The following GRIN3A variants were observed in gnomAD, a reference collection of about 807,000 sequenced individuals.
The protein encoded by GRIN3A is glutamate ionotropic receptor NMDA type subunit 3A.
In GRIN3A, 47 loss-of-function variants were observed where a neutral mutation model predicts 92.4. That is an observed-to-expected ratio of 0.51 (90% CI 0.40 to 0.65). The LOEUF (loss-of-function observed/expected upper bound fraction) is 0.65, where lower values mean the gene tolerates loss of function less well. GRIN3A is among the 30% of genes least tolerant of loss of function. The pLI is 0.00. For missense variants in GRIN3A, 1,324 were observed against 1,393.1 expected (o/e 0.95, Z 0.79); for synonymous variants, 527 against 540.6 (o/e 0.97, Z 0.35).
intron 1 of GRIN3A, among the ~76,000 whole-genome samples, chr9:101,712,770 C>T (rs1315743319): frequency 3.3e-5 from 5 of 152,138 alleles, no homozygotes; most frequent in East Asian, 3.8e-4. Context: ...AATATGAGAT[C>T]GTTATTCCAT....
chr9:101,671,592 A>G (rs1315861682), intron 2 of GRIN3A, among the ~76,000 whole-genome samples: 1 of 152,222 alleles, frequency 6.6e-6, no homozygotes, highest in Admixed American at 6.5e-5. Context: ...AAGTATGCAT[A>G]TACTTTAATA....
At chr9:101,696,280 T>C (rs1208327654) in intron 1 of GRIN3A, among the ~76,000 whole-genome samples, 2 of 152,238 alleles carry the variant, frequency 1.3e-5, no homozygotes. Context: ...TGGAGAATAT[T>C]ATAAAAATAG....
At chr9:101,723,363 G>T (rs554891753) in intron 1 of GRIN3A, among the ~76,000 whole-genome samples, 1 of 151,960 alleles carries the variant, frequency 6.6e-6, no homozygotes, top group African/African-American at 2.4e-5. Context: ...GGAGTTGTTC[G>T]TTCCTCCCGG....
At chr9:101,636,346 T>C (rs962629619) in intron 3 of GRIN3A, among the ~76,000 whole-genome samples, 1 of 152,242 alleles carries the variant, frequency 6.6e-6, no homozygotes, top group East Asian at 1.9e-4. Flanking sequence ...TAATCTTTAT[T>C]AGGTGCCTCC....
At chr9:101,644,460 CAA>C (rs35576054) in intron 3 of GRIN3A, among the ~76,000 whole-genome samples, 6,305 of 95,032 alleles carry the variant, frequency 0.066, 349 homozygotes, top group African/African-American at 0.21. Flanking sequence ...ATTAGTCACT[CAA>C]AAAAAAAAAA....
chr9:101,687,237 C>T, intron 1 of GRIN3A, 37 bp from the exon 2 acceptor site: 1 of 1,610,760 alleles, frequency 6.2e-7, no homozygotes, highest in Non-Finnish European at 8.5e-7. Flanking sequence ...AATTAGAAAG[C>T]ATTGGCCAAA....
chr9:101,710,964 TTAA>T lies in GRIN3A; in HGVS notation c.700-23767_700-23765del, dbSNP rs577829413. On this transcript the variant is annotated intron_variant, in intron 1 of 8. Coordinates refer to ENST00000361820, the MANE Select transcript of GRIN3A (RefSeq NM_133445.3). Reference sequence around the variant, plus strand: ...TCAATTTATAAATTAATTGAAGAGATTAATAACAATAACTAATAACAAAATAGG... The same window carrying T: ...TCAATTTATAAATTAATTGAAGAGATTAACAATAACTAATAACAAAATAGG... Among the ~76,000 whole-genome samples, 282 of 152,286 alleles carry T rather than the reference TTAA, an allele frequency of 1.9e-3. 1 individual carries two copies. Among genetic ancestry groups the T allele is most frequent in the African/African-American group, 6.6e-3 (273 of 41,564 alleles).
At chr9:101,588,341 A>T (rs1429607621) in intron 6 of GRIN3A, among the ~76,000 whole-genome samples, 2 of 152,190 alleles carry the variant, frequency 1.3e-5, no homozygotes, top group Non-Finnish European at 2.9e-5. Context: ...AGTAGTGCTC[A>T]CACATTTGGA....
chr9:101,613,242 A>T (rs932754941), intron 6 of GRIN3A, 134 bp downstream of exon 6: 1 of 1,014,584 alleles, frequency 9.9e-7, no homozygotes, highest in East Asian at 2.6e-5. Flanking sequence ...ACAAAGTAAA[A>T]AATAATCCAA....
chr9:101,577,837 T>C lies in GRIN3A; in HGVS notation c.2939A>G (p.His980Arg). ...TATAAATGATGTATTTATTGCTCTGTGTAATCTCTGATGGAGAAAACAGAT... is the reference window on the plus strand; with the variant it reads ...TATAAATGATGTATTTATTGCTCTGCGTAATCTCTGATGGAGAAAACAGAT... ...QYWLHTSQRLHRAINTSFIEE... is the reference protein window; with the variant it reads ...QYWLHTSQRLRRAINTSFIEE... The change falls in exon 8 of 9, where the codon CAC becomes CGC. Residue 980 changes from histidine (H) to arginine (R), a missense_variant. By Grantham distance (29) the His-to-Arg change is conservative. Coordinates refer to ENST00000361820, the MANE Select transcript of GRIN3A (RefSeq NM_133445.3). 6.2e-7 allele frequency: 1 copy of C among 1,610,764 alleles called. No individual in the cohort carries two copies.
chr9:101,720,728 CT>C (rs1490344688), intron 1 of GRIN3A, among the ~76,000 whole-genome samples: 2 of 152,022 alleles, frequency 1.3e-5, no homozygotes, highest in Non-Finnish European at 2.9e-5. Context: ...TAGAAAAATG[CT>C]TTTTAATATA....
At chr9:101,652,812 A>G (rs564766312) in intron 3 of GRIN3A, among the ~76,000 whole-genome samples, 1 of 152,094 alleles carries the variant, frequency 6.6e-6, no homozygotes, top group South Asian at 2.1e-4. Flanking sequence ...TCTAATATGC[A>G]TAATTGCTGA....
chr9:101,714,840 A>T (rs1312574273), intron 1 of GRIN3A, among the ~76,000 whole-genome samples: 1 of 152,212 alleles, frequency 6.6e-6, no homozygotes, highest in Admixed American at 6.5e-5. Context: ...AAACTGTCAA[A>T]TATTTTGGAA....
intron 5 of GRIN3A, among the ~76,000 whole-genome samples, chr9:101,622,385 A>C (rs1424108809): frequency 6.6e-6 from 1 of 152,268 alleles, no homozygotes; most frequent in African/African-American, 2.4e-5. Context: ...GAGAGCCAGC[A>C]TGCACTATCA....
intron 1 of GRIN3A, among the ~76,000 whole-genome samples, chr9:101,701,444 A>G (rs1257405241): frequency 6.6e-6 from 1 of 151,964 alleles, no homozygotes; most frequent in Non-Finnish European, 1.5e-5. Context: ...TTTAGCTCCC[A>G]CTTGTAAGTG....
chr9:101,578,465 G>A (rs1310878730), intron 7 of GRIN3A, among the ~76,000 whole-genome samples: 1 of 152,188 alleles, frequency 6.6e-6, no homozygotes, highest in African/African-American at 2.4e-5. Flanking sequence ...GGTAATCCAT[G>A]GTACACTGGA....
At chr9:101,735,121 T>C (rs1477131366) in intron 1 of GRIN3A, among the ~76,000 whole-genome samples, 1 of 151,286 alleles carries the variant, frequency 6.6e-6, no homozygotes, top group African/African-American at 2.4e-5. Context: ...ACATTCTTAA[T>C]ACAGAATATT....
chr9:101,593,915 T>C (rs1480305008), intron 6 of GRIN3A: 1 of 153,566 alleles, frequency 6.5e-6, no homozygotes, highest in Non-Finnish European at 1.4e-5. Flanking sequence ...AGAAAAGTGA[T>C]TACGAGATGC....
chr9:101,592,725 G>A (rs1828048344), intron 6 of GRIN3A: 1 of 151,242 alleles, frequency 6.6e-6, no homozygotes, highest in Admixed American at 6.6e-5. Context: ...TTGATAGATG[G>A]GTTCCCTACA....
Sources: gnomAD v4.1 joint callset for allele counts (sites outside exome capture counted in the v4.1 genomes callset) on GRCh38, gnomAD v4.1.1 for gene constraint, MANE v1.5 for transcripts, NCBI Gene and HGNC (gene_info 2026-07-23, HGNC 2026-07-21) for gene names.